The following BAIAP3 variants were observed in gnomAD, a reference collection of about 807,000 sequenced individuals.
BAIAP3 encodes BAI1 associated protein 3, also known as BAI1-associated protein 3.
BAIAP3 carries 180 observed loss-of-function variants against 149.7 expected under a neutral mutation model. That is an observed-to-expected ratio of 1.20 (90% CI 1.07 to 1.36). The LOEUF (loss-of-function observed/expected upper bound fraction) is 1.36. BAIAP3 is among the 40% of genes most tolerant of loss of function. The pLI is 0.00. For missense variants in BAIAP3, 1,767 were observed against 1,563.4 expected, an observed-to-expected ratio of 1.13 and a Z score of -2.20; for synonymous variants, 845 against 670.7, an observed-to-expected ratio of 1.26 and a Z score of -4.02.
chr16:1,346,716 T>TGGCCC (rs768292241), intron 27 of BAIAP3, 32 bp downstream of exon 27: 17 of 1,506,348 alleles, frequency 1.1e-5, no homozygotes, highest in East Asian at 9.8e-5. Flanking sequence ...TGGGCTGGGC[T>TGGCCC]GGCCCGTGGT....
chr16:1,338,965 C>G lies in BAIAP3; in HGVS notation c.195C>G (p.Gly65=). The G allele has an allele frequency of 6.2e-7, 1 of 1,613,012 alleles. No homozygotes were observed. Among genetic ancestry groups the G allele is most frequent in the South Asian group, 1.1e-5 (1 of 91,090 alleles). The change falls in exon 3 of 34, where the codon GGC becomes GGG. Residue 65 remains glycine, a synonymous_variant. Coordinates refer to ENST00000426824, the MANE Select transcript of BAIAP3 (RefSeq NM_001199097.2). ...HMRLMLKKGE[G]RQGLPCLEVP... ...GCCTCATGCTGAAGAAGGGGGAAGG[C>G]AGACAGGGCTTGCCGTGCCTCGAGG...
intron 20 of BAIAP3, 52 bp from the exon 21 acceptor site, chr16:1,344,917 A>G: frequency 6.2e-7 from 1 of 1,613,532 alleles, no homozygotes; most frequent in Non-Finnish European, 8.5e-7. Context: ...CTTGGCTAGG[A>G]CGGTCCTGGG....
At chr16:1,334,225 C>T (rs983415724) in intron 1 of BAIAP3, among the ~76,000 whole-genome samples, 1 of 152,032 alleles carries the variant, frequency 6.6e-6, no homozygotes, top group Non-Finnish European at 1.5e-5. Flanking sequence ...CTTTAGTCCC[C>T]CCGAAATCCC....
In BAIAP3 at chr16:1,344,628, G is replaced by A. The variant is rs746100001; in HGVS notation, c.1687G>A (p.Val563Ile). ...QPGPQRLPGL[V>I]VLADAVYDDL... ...AGGACCACAGCGCCTGCCTGGGCTG[G>A]TTGTGCTGGCTGACGCCGTCTATGA... Residue 563 changes from valine (V) to isoleucine (I), a missense_variant, in exon 19 of 34, where the codon GTT becomes ATT. Coordinates refer to ENST00000426824, the MANE Select transcript of BAIAP3 (RefSeq NM_001199097.2). The A allele has an allele frequency of 1.2e-6, 2 of 1,613,280 alleles. No homozygotes were observed. The highest frequency in any genetic ancestry group is 1.7e-5 in the Admixed American group (1 of 60,014).
chr16:1,344,609 A>C lies in BAIAP3; in HGVS notation c.1668A>C (p.Pro556=). ...NDKSPREQPG[P]QRLPGLVVLA... is the part of the protein sequence containing the mutation. ...GCTAGGCTTCCTTGCAGCCAGGACCACAGCGCCTGCCTGGGCTGGTTGTGC... is the reference window on the plus strand; with the variant it reads ...GCTAGGCTTCCTTGCAGCCAGGACCCCAGCGCCTGCCTGGGCTGGTTGTGC... The change falls in exon 19 of 34, where the codon CCA becomes CCC. Residue 556 remains proline (P), a synonymous_variant. Coordinates refer to ENST00000426824, the MANE Select transcript of BAIAP3 (RefSeq NM_001199097.2). 1 of 1,613,044 alleles carries C rather than the reference A, an allele frequency of 6.2e-7. No homozygotes were observed. The highest frequency in any genetic ancestry group is 1.1e-5 in the South Asian group (1 of 91,060).
intron 21 of BAIAP3, 36 bp downstream of exon 21, chr16:1,345,135 T>C (rs371300212): frequency 2.4e-5 from 39 of 1,611,850 alleles, no homozygotes; most frequent in Admixed American, 3.3e-5. Flanking sequence ...CAGACAGACT[T>C]TGGGACCAGG....
chr16:1,346,904 A>C lies in BAIAP3; in HGVS notation c.2700A>C (p.Ala900=), dbSNP rs200642825. 8.7e-6 allele frequency: 14 copies of C among 1,610,196 alleles called. No individual in the cohort carries two copies. The African/African-American group carries it at 1.5e-4, about 17-fold the overall frequency. ...LLQAILQALG[A]NRDVSADFYS... Reference sequence around the variant, plus strand: ...AGGCCATTCTGCAGGCGCTGGGTGCAAACCGTGACGTCTCTGCTGATTTCT... The same window carrying C: ...AGGCCATTCTGCAGGCGCTGGGTGCCAACCGTGACGTCTCTGCTGATTTCT... The change falls in exon 28 of 34, where the codon GCA becomes GCC. Residue 900 remains alanine, a synonymous_variant. Transcript: ENST00000426824.
In BAIAP3 at chr16:1,342,288, G is replaced by C; in HGVS notation, c.957+5G>C. ...TGCCTCAACATACCTGTCCGGGTGAGTGGGTGTGGGGTGGGGCTGGTGACA... is the reference window on the plus strand; with the variant it reads ...TGCCTCAACATACCTGTCCGGGTGACTGGGTGTGGGGTGGGGCTGGTGACA... On this transcript the variant is annotated splice_donor_5th_base_variant and intron_variant, in intron 11 of 33. Transcript: ENST00000426824. 6.2e-7 allele frequency: 1 copy of C among 1,611,720 alleles called. No individual in the cohort carries two copies. The highest frequency in any genetic ancestry group is 8.5e-7 in the Non-Finnish European group (1 of 1,179,276).
At position 1,341,480 on chromosome 16, in the gene BAIAP3, A is replaced by G; in HGVS notation, c.722A>G (p.His241Arg). 3 of 1,609,022 alleles carry G rather than the reference A, an allele frequency of 1.9e-6. No individual in the cohort carries two copies. The highest frequency in any genetic ancestry group is 1.7e-6 in the Non-Finnish European group (2 of 1,177,278). ...SSTLNPVWKE[H>R]FLFEIEDVST... ...ACCCTGAACCCCGTCTGGAAGGAGC[A>G]CTTCCTCTTGTGAGGCCCTCGCCCG... The change falls in exon 8 of 34, where the codon CAC becomes CGC. Residue 241 changes from histidine (H) to arginine (R), a missense_variant. Physicochemically the swap from His to Arg is conservative, Grantham distance 29. Transcript: ENST00000426824.
At chr16:1,345,150 C>T (rs1307667267) in intron 21 of BAIAP3, 51 bp downstream of exon 21, 2 of 1,611,164 alleles carry the variant, frequency 1.2e-6, no homozygotes, top group South Asian at 2.2e-5. Flanking sequence ...ACCAGGGCCC[C>T]AGGACCTGTG....
At chr16:1,347,205 A>G in intron 28 of BAIAP3, 93 bp from the exon 29 acceptor site, 1 of 1,305,734 alleles carries the variant, frequency 7.7e-7, no homozygotes, top group Non-Finnish European at 1.1e-6. Flanking sequence ...CTGAGCCCCC[A>G]GTGCTGCCTG....
Position 1,344,739 on chromosome 16 carries a change from G to C in BAIAP3, c.1757+41G>C. On this transcript the variant is annotated intron_variant, in intron 19 of 33. Coordinates refer to ENST00000426824, the MANE Select transcript of BAIAP3 (RefSeq NM_001199097.2). ...CAGTGCTGTCCTGGGGCTGGGGTCG[G>C]AGCCAACAGGGCCTGCAGGTGGGGC... 1.9e-6 allele frequency: 3 copies of C among 1,573,116 alleles called. No individual in the cohort carries two copies. In the South Asian group the frequency reaches 3.4e-5, roughly 18 times the overall value.
In BAIAP3 at chr16:1,334,546, C is replaced by A. The variant is rs2033336413; in HGVS notation, c.-11+797C>A. On this transcript the variant is annotated intron_variant, in intron 1 of 33. Coordinates refer to ENST00000426824, the MANE Select transcript of BAIAP3 (RefSeq NM_001199097.2). ...GGAAGAAGGCGCCTCGGGCTCCGGT[C>A]TCCTGCGCTCCTGCTGGGCGCCAGC... is the stretch of plus-strand genomic sequence containing the variant. 1.2e-5 allele frequency: 11 copies of A among 934,428 alleles called. No individual in the cohort carries two copies. The South Asian group carries it at 1.4e-4, about 12-fold the overall frequency. The allele number at this position is 934,428 out of a possible 1,614,324, so 57.9% of individuals were successfully genotyped here.
At chr16:1,340,223 CACACACAGGTT>C (rs2033815280) in intron 5 of BAIAP3, among the ~76,000 whole-genome samples, 2 of 137,102 alleles carry the variant, frequency 1.5e-5, no homozygotes, top group African/African-American at 2.8e-5. Flanking sequence ...CACACAGACA[CACACACAGGTT>C]GCAGGTGCAC....
In BAIAP3 at chr16:1,342,727, G is replaced by C. The variant is rs756051833; in HGVS notation, c.1074G>C (p.Thr358=). The part of the protein sequence containing the change: ...VLKLITTQRD[T]AMSQRGRSGF... ...TGGGCTCTGCGTTGCAGAGGGATAC[G>C]GCCATGAGCCAGCGCGGGCGATCCG... is the stretch of plus-strand genomic sequence containing the variant. Residue 358 remains threonine, a synonymous_variant, in exon 13 of 34, where the codon ACG becomes ACC. Coordinates refer to ENST00000426824, the MANE Select transcript of BAIAP3 (RefSeq NM_001199097.2). 3 of 1,612,442 alleles carry C rather than the reference G, an allele frequency of 1.9e-6. No homozygotes were observed. Among genetic ancestry groups the C allele is most frequent in the South Asian group, 2.2e-5 (2 of 91,054 alleles).
chr16:1,343,174 G>A (rs1192511656), intron 14 of BAIAP3, 158 bp downstream of exon 14: 2 of 1,098,996 alleles, frequency 1.8e-6, no homozygotes, highest in African/African-American at 3.1e-5. Flanking sequence ...GGCGGGAAGG[G>A]AAGGGGGCGG....
At chr16:1,335,582 G>C (rs550284903) in intron 1 of BAIAP3, among the ~76,000 whole-genome samples, 4 of 152,200 alleles carry the variant, frequency 2.6e-5, no homozygotes, top group Non-Finnish European at 5.9e-5. Context: ...CAGCAGCTCC[G>C]GCCTCTGTGG....
rs2034588256 is a variant in BAIAP3 at position 1,349,232 on chromosome 16, C to G, written c.*750C>G. ...AGGCCCAGTGTGAAAAACAGACTCA[C>G]AAGGGGCTTCTTGGCCTGCAGCTTC... On this transcript the variant is annotated 3_prime_UTR_variant, in exon 34 of 34. Transcript: ENST00000426824. The G allele has an allele frequency of 1.6e-6, 1 of 641,392 alleles. No individual in the cohort carries two copies. The highest frequency in any genetic ancestry group is 1.8e-5 in the South Asian group (1 of 54,938). 39.7% of individuals were successfully genotyped at this position (641,392 alleles called of 1,614,324 possible).
intron 1 of BAIAP3, among the ~76,000 whole-genome samples, chr16:1,337,361 CA>C (rs1381969145): frequency 1.3e-5 from 2 of 152,112 alleles, no homozygotes; most frequent in Non-Finnish European, 2.9e-5. Flanking sequence ...ACTGAAAGTA[CA>C]AAAAAATCAG....
Sources: allele counts gnomAD v4.1 joint callset (sites outside exome capture counted in the v4.1 genomes callset), GRCh38; gene constraint gnomAD v4.1.1; transcripts MANE v1.5; gene names NCBI Gene and HGNC (gene_info 2026-07-23, HGNC 2026-07-21).